KAT6B: variants seen among roughly 807,000 people sequenced by gnomAD.
KAT6B encodes the protein lysine acetyltransferase 6B.
A neutral mutation model predicts 187.5 loss-of-function variants in KAT6B; 10 were observed. The observed-to-expected ratio is 0.05, with a 90% CI of 0.03 to 0.09. The LOEUF (loss-of-function observed/expected upper bound fraction) is 0.09. Ranked by LOEUF, KAT6B falls within the 10% of genes least tolerant of loss-of-function variation. The pLI is 1.00. For synonymous variants in KAT6B, 861 were observed against 926.8 expected (o/e 0.93, Z 1.29); for missense variants, 1,952 against 2,558.9 (o/e 0.76, Z 5.12).
intron 3 of KAT6B, among the ~76,000 whole-genome samples, chr10:74,910,173 C>CTGTAA (rs777209143): frequency 9.5e-4 from 144 of 151,682 alleles, no homozygotes; most frequent in Non-Finnish European, 1.5e-3. Flanking sequence ...TGGCGCATGC[C>CTGTAA]TGTAATCCCA....
chr10:74,905,432 G>T (rs1023296629), intron 3 of KAT6B, among the ~76,000 whole-genome samples: 1 of 152,168 alleles, frequency 6.6e-6, no homozygotes, highest in Non-Finnish European at 1.5e-5. Context: ...GCTAATAGAC[G>T]ATGACATCCA....
chr10:75,011,306 T>C (rs1844591551), intron 13 of KAT6B, among the ~76,000 whole-genome samples: 1 of 152,194 alleles, frequency 6.6e-6, no homozygotes. Context: ...TCCTAAAATA[T>C]CCTAGAATTT....
chr10:74,966,187 G>T (rs1589719929), intron 4 of KAT6B, among the ~76,000 whole-genome samples: 1 of 152,188 alleles, frequency 6.6e-6, no homozygotes, highest in Non-Finnish European at 1.5e-5. Flanking sequence ...ATAGCAGGTG[G>T]AGTCTCTCTC....
intron 3 of KAT6B, among the ~76,000 whole-genome samples, chr10:74,857,580 C>T (rs1842901983): frequency 6.6e-6 from 1 of 152,210 alleles, no homozygotes; most frequent in Admixed American, 6.5e-5. Context: ...AGGTTCTGGG[C>T]ATTAGGAAGT....
At chr10:74,845,380 G>A (rs1217464352) in intron 3 of KAT6B, among the ~76,000 whole-genome samples, 1 of 151,770 alleles carries the variant, frequency 6.6e-6, no homozygotes, top group African/African-American at 2.4e-5. Flanking sequence ...AAATTAGGCA[G>A]GCGTGGTGGG....
intron 3 of KAT6B, among the ~76,000 whole-genome samples, chr10:74,937,347 C>A (rs757020335): frequency 3.3e-5 from 5 of 152,198 alleles, no homozygotes; most frequent in Non-Finnish European, 5.9e-5. Context: ...AGGTTTAAAA[C>A]AACATCATCA....
intron 3 of KAT6B, among the ~76,000 whole-genome samples, chr10:74,929,580 C>A (rs577225897): frequency 3.6e-4 from 55 of 152,156 alleles, no homozygotes; most frequent in Non-Finnish European, 7.1e-4. Flanking sequence ...TCAAAAAAAA[C>A]CAAGGAACCA....
Position 74,842,297 on chromosome 10 carries a change from C to G in KAT6B, c.-258-303C>G, listed in dbSNP as rs1033612976. ...TTATGTTTATGGCAGACATATACCT[C>G]AAACCACTTTCATATAATTTTGTTA... On this transcript the variant is annotated intron_variant, in intron 2 of 17. Coordinates refer to ENST00000287239, the MANE Select transcript of KAT6B (RefSeq NM_012330.4). Among the ~76,000 whole-genome samples, 4 of 152,062 alleles carry G rather than the reference C, an allele frequency of 2.6e-5. No homozygotes were observed. The South Asian group carries it at 8.3e-4, about 32-fold the overall frequency.
In KAT6B at chr10:74,864,627, C is replaced by T. The variant is rs561035586; in HGVS notation, c.621+21149C>T. Among the ~76,000 whole-genome samples, 108 of 152,206 alleles carry T rather than the reference C, an allele frequency of 7.1e-4. 2 individuals are homozygous for T. Among genetic ancestry groups the T allele is most frequent in the East Asian group, 3.9e-4 (2 of 5,182 alleles). ...TGTGATTTCAGCTCACTGCAACTTC[C>T]GCCTCCTGGGTTCAAGTGATTCTTC... On this transcript the variant is annotated intron_variant, in intron 3 of 17. Transcript: ENST00000287239.
At chr10:74,991,683 GA>G (rs1246566109) in intron 13 of KAT6B, among the ~76,000 whole-genome samples, 3 of 152,216 alleles carry the variant, frequency 2.0e-5, no homozygotes, top group Admixed American at 6.5e-5. Flanking sequence ...AGTGAGTTAA[GA>G]AGTGCAGTGA....
At chr10:74,897,538 A>G (rs1846076819) in intron 3 of KAT6B, among the ~76,000 whole-genome samples, 1 of 152,244 alleles carries the variant, frequency 6.6e-6, no homozygotes, top group Non-Finnish European at 1.5e-5. Flanking sequence ...CTTTACGGGC[A>G]GAGAAAATTC....
chr10:75,028,898 G>A lies in KAT6B; in HGVS notation c.4074G>A (p.Glu1358=), dbSNP rs1037500252. 5.6e-6 allele frequency: 9 copies of A among 1,609,578 alleles called. No homozygotes were observed. The highest frequency in any genetic ancestry group is 1.7e-4 in the Middle Eastern group (1 of 6,058). Residue 1358 remains glutamate (E), a synonymous_variant, in exon 18 of 18, where the codon GAG becomes GAA. Coordinates refer to ENST00000287239, the MANE Select transcript of KAT6B (RefSeq NM_012330.4). ...IKPEEEEEEE[E]EEEEEEEEEE... ...CTGAGGAAGAGGAAGAGGAGGAGGA[G>A]GAGGAAGAGGAAGAAGAGGAAGAAG...
At position 75,021,262 on chromosome 10, in the gene KAT6B, G is replaced by A; in HGVS notation, c.2998G>A (p.Glu1000Lys). 6.2e-7 allele frequency: 1 copy of A among 1,614,186 alleles called. No individual in the cohort carries two copies. The highest frequency in any genetic ancestry group is 2.2e-5 in the East Asian group (1 of 44,878). Residue 1000 changes from glutamate to lysine, a missense_variant, in exon 15 of 18, where the codon GAA becomes AAA. Physicochemically the swap from Glu to Lys is moderately conservative, Grantham distance 56. Transcript: ENST00000287239. ...ILISNAAVSE[E>K]EREAEKEAER... ...AATTTCTAATGCTGCAGTGTCTGAA[G>A]AAGAGCGAGAAGCTGAGAAAGAGGT... is the stretch of plus-strand genomic sequence containing the variant.
chr10:74,857,517 C>T (rs1478913244), intron 3 of KAT6B, among the ~76,000 whole-genome samples: 2 of 152,128 alleles, frequency 1.3e-5, no homozygotes, highest in African/African-American at 4.8e-5. Context: ...AGATAATGCC[C>T]TTATCTCACA....
At chr10:74,886,688 TC>T (rs1194063418) in intron 3 of KAT6B, among the ~76,000 whole-genome samples, 1 of 152,168 alleles carries the variant, frequency 6.6e-6, no homozygotes, top group Non-Finnish European at 1.5e-5. Flanking sequence ...ACTCTGTACT[TC>T]CACCTTACCT....
chr10:74,956,519 T>C (rs989604874), intron 3 of KAT6B, among the ~76,000 whole-genome samples: 2 of 152,188 alleles, frequency 1.3e-5, no homozygotes, highest in Non-Finnish European at 2.9e-5. Context: ...TAAAGAGTTA[T>C]TGCCACTGAT....
intron 16 of KAT6B, among the ~76,000 whole-genome samples, chr10:75,024,537 A>G (rs570283657): frequency 1.4e-3 from 215 of 152,368 alleles, no homozygotes; most frequent in Admixed American, 2.7e-3. Flanking sequence ...AGAGTTCTCA[A>G]GTATTAAATG....
chr10:74,895,557 T>G (rs1845929958), intron 3 of KAT6B, among the ~76,000 whole-genome samples: 1 of 152,140 alleles, frequency 6.6e-6, no homozygotes, highest in African/African-American at 2.4e-5. Context: ...CTTATTTTTT[T>G]GAGGCAGAGT....
chr10:74,858,758 C>T (rs562617515), intron 3 of KAT6B, among the ~76,000 whole-genome samples: 9 of 152,132 alleles, frequency 5.9e-5, no homozygotes, highest in African/African-American at 2.2e-4. Context: ...AGTTCGAGAC[C>T]AGCCTGGGCA....
Sources: gnomAD v4.1 joint callset for allele counts (sites outside exome capture counted in the v4.1 genomes callset) on GRCh38, gnomAD v4.1.1 for gene constraint, MANE v1.5 for transcripts, NCBI Gene and HGNC (gene_info 2026-07-23, HGNC 2026-07-21) for gene names.